The following KLHL29 variants were observed in gnomAD, a reference collection of about 807,000 sequenced individuals.
The protein encoded by KLHL29 is kelch like family member 29.
KLHL29 carries 21 observed loss-of-function variants against 80.4 expected under a neutral mutation model. The observed-to-expected ratio is 0.26, with a 90% CI of 0.19 to 0.38. The LOEUF (loss-of-function observed/expected upper bound fraction) is 0.38. Ranked by LOEUF, KLHL29 falls within the 10% of genes least tolerant of loss-of-function variation. The probability of loss-of-function intolerance (pLI) is 1.00; values close to 1 mark genes in which losing one functional copy is unlikely to be tolerated. For missense variants in KLHL29, 867 were observed against 1,223.9 expected (o/e 0.71, Z 4.35); for synonymous variants, 511 against 526.8 (o/e 0.97, Z 0.41).
rs190710477 is a variant in KLHL29 at position 23,648,882 on chromosome 2, T to G, written c.940+6032T>G. Among the ~76,000 whole-genome samples, 3 of 152,316 alleles carry G rather than the reference T, an allele frequency of 2.0e-5. No individual in the cohort carries two copies. In the East Asian group the frequency reaches 5.8e-4, roughly 29 times the overall value. On this transcript the variant is annotated intron_variant, in intron 5 of 13. Transcript: ENST00000486442. ...CAAACTCCACTTCCCACTAACCCCA[T>G]GAACTTCTGCTAGAAAAAGGGTGTC...
At chr2:23,420,785 G>T (rs1451371507) in intron 1 of KLHL29, among the ~76,000 whole-genome samples, 1 of 152,116 alleles carries the variant, frequency 6.6e-6, no homozygotes, top group Non-Finnish European at 1.5e-5. Context: ...CACTGCTGAG[G>T]CCCATCTGTC....
chr2:23,597,385 A>G lies in KLHL29; in HGVS notation c.285+34904A>G, dbSNP rs60402072. On this transcript the variant is annotated intron_variant, in intron 3 of 13. Coordinates refer to ENST00000486442, the MANE Select transcript of KLHL29 (RefSeq NM_052920.2). ...TGTATATATATATGTGTGTGTGTGT[A>G]TATATATATATATATATATATATTT... 7.5e-3 allele frequency among the ~76,000 whole-genome samples: 73 copies of G among 9,672 alleles called. 1 individual carries two copies. The highest frequency in any genetic ancestry group is 0.02 in the South Asian group (4 of 198). 6.3% of individuals were successfully genotyped at this position (9,672 alleles called of 152,430 possible). A position where few individuals can be genotyped will look rare whatever the true frequency, so the allele number is the denominator to read the frequency against.
intron 3 of KLHL29, among the ~76,000 whole-genome samples, chr2:23,627,756 A>T (rs1212715695): frequency 1.3e-5 from 2 of 151,902 alleles, no homozygotes. Context: ...TCGAGCTCTC[A>T]GTCGACTCCA....
At chr2:23,600,094 G>T (rs959400160) in intron 3 of KLHL29, among the ~76,000 whole-genome samples, 2 of 152,236 alleles carry the variant, frequency 1.3e-5, no homozygotes, top group African/African-American at 4.8e-5. Flanking sequence ...TAGCTAGAAT[G>T]CAGCCCAAGC....
chr2:23,657,296 C>T (rs760724716), intron 5 of KLHL29, among the ~76,000 whole-genome samples: 5 of 152,182 alleles, frequency 3.3e-5, no homozygotes, highest in African/African-American at 7.2e-5. Flanking sequence ...CGTGATGTAG[C>T]GTATTCAAGG....
Position 23,706,886 on chromosome 2 carries a change from G to A in KLHL29, c.*222G>A, listed in dbSNP as rs1260083160. On this transcript the variant is annotated 3_prime_UTR_variant, in exon 14 of 14. Coordinates refer to ENST00000486442, the MANE Select transcript of KLHL29 (RefSeq NM_052920.2). Reference sequence around the variant, plus strand: ...TTGGAGCCGCAGGAACCACGATCCCGCCATGGGGCTGGCTGCCTCCTGAAC... The same window carrying A: ...TTGGAGCCGCAGGAACCACGATCCCACCATGGGGCTGGCTGCCTCCTGAAC... The A allele has an allele frequency of 1.1e-5, 5 of 466,952 alleles. No homozygotes were observed. The highest frequency in any genetic ancestry group is 3.9e-5 in the South Asian group (1 of 25,596). The allele number at this position is 466,952 out of a possible 1,614,324, so 28.9% of individuals were successfully genotyped here.
intron 1 of KLHL29, among the ~76,000 whole-genome samples, chr2:23,435,991 G>A (rs1425590249): frequency 2.0e-5 from 3 of 150,080 alleles, no homozygotes. Context: ...CAGTCCTAGA[G>A]CTTTCGAGAC....
In KLHL29 at chr2:23,696,572, C is replaced by A; in HGVS notation, c.2105+59C>A. The A allele has an allele frequency of 1.5e-6, 2 of 1,347,278 alleles. No homozygotes were observed. The highest frequency in any genetic ancestry group is 1.5e-5 in the South Asian group (1 of 68,414). 83.5% of individuals were successfully genotyped at this position (1,347,278 alleles called of 1,614,324 possible). ...CTTTGCTCACCAAGAACTGAAATCA[C>A]GTCACTCACTGTACCTCCCAACACC... On this transcript the variant is annotated intron_variant, in intron 11 of 13. Transcript: ENST00000486442. The surrounding 1 kb of genome is among the most constrained non-coding windows in gnomAD (Gnocchi z 5.5).
intron 5 of KLHL29, among the ~76,000 whole-genome samples, chr2:23,662,530 C>T (rs1398939660): frequency 6.6e-6 from 1 of 152,088 alleles, no homozygotes; most frequent in African/African-American, 2.4e-5. Flanking sequence ...TTGAGTTCAC[C>T]AGCCCCTCCT....
chr2:23,699,709 G>A (rs907428121), intron 11 of KLHL29, among the ~76,000 whole-genome samples: 1 of 152,168 alleles, frequency 6.6e-6, no homozygotes, highest in African/African-American at 2.4e-5. Context: ...AGCCCTGGGG[G>A]CTGAATGCTG....
At chr2:23,402,508 C>T (rs1344930380) in intron 1 of KLHL29, among the ~76,000 whole-genome samples, 3 of 152,254 alleles carry the variant, frequency 2.0e-5, no homozygotes, top group African/African-American at 7.2e-5. Context: ...CGAGTCCCAG[C>T]GCCCCCATCC....
chr2:23,444,712 A>G (rs1001774892), intron 1 of KLHL29, among the ~76,000 whole-genome samples: 1 of 152,244 alleles, frequency 6.6e-6, no homozygotes, highest in Non-Finnish European at 1.5e-5. Flanking sequence ...TCTTAAACTT[A>G]TAACACCAAT....
At chr2:23,693,762 T>C (rs1443679181) in intron 8 of KLHL29, among the ~76,000 whole-genome samples, 1 of 152,318 alleles carries the variant, frequency 6.6e-6, no homozygotes, top group African/African-American at 2.4e-5. Context: ...ACCTGCACTC[T>C]GCAGGGAGAA....
At chr2:23,430,049 G>A (rs1663125922) in intron 1 of KLHL29, among the ~76,000 whole-genome samples, 1 of 152,172 alleles carries the variant, frequency 6.6e-6, no homozygotes, top group South Asian at 2.1e-4. Flanking sequence ...TATTCAGCTT[G>A]CTGGGGCTGG....
intron 5 of KLHL29, among the ~76,000 whole-genome samples, chr2:23,661,266 G>A (rs945466486): frequency 6.0e-5 from 9 of 151,018 alleles, no homozygotes; most frequent in South Asian, 4.2e-4. Flanking sequence ...TGCCTGAGCC[G>A]AGGAGTTTGA....
chr2:23,501,141 T>C (rs1665423450), intron 2 of KLHL29, among the ~76,000 whole-genome samples: 1 of 152,044 alleles, frequency 6.6e-6, no homozygotes, highest in Non-Finnish European at 1.5e-5. Flanking sequence ...ACTCTGAGAC[T>C]CAGGGTGGCT....
chr2:23,418,786 C>T (rs569238074), intron 1 of KLHL29, among the ~76,000 whole-genome samples: 77 of 152,056 alleles, frequency 5.1e-4, no homozygotes, highest in Admixed American at 3.9e-3. Flanking sequence ...TTACCCAATA[C>T]GCTGGGGTTA....
intron 1 of KLHL29, among the ~76,000 whole-genome samples, chr2:23,460,592 G>A (rs1372400926): frequency 6.6e-6 from 1 of 152,106 alleles, no homozygotes; most frequent in East Asian, 1.9e-4. Flanking sequence ...CTCAGAGGAT[G>A]AGCACTTGGA....
intron 2 of KLHL29, among the ~76,000 whole-genome samples, chr2:23,489,843 G>T (rs1665044897): frequency 6.6e-6 from 1 of 152,180 alleles, no homozygotes; most frequent in South Asian, 2.1e-4. Flanking sequence ...AGGAGGAGGT[G>T]CCCACATCAG....
Sources: gnomAD v4.1 joint callset for allele counts (sites outside exome capture counted in the v4.1 genomes callset) on GRCh38, gnomAD v4.1.1 for gene constraint, Gnocchi (gnomAD v3.1) non-coding constraint, MANE v1.5 for transcripts, NCBI Gene and HGNC (gene_info 2026-07-23, HGNC 2026-07-21) for gene names.